The following SLC30A7 variants were observed in gnomAD, a reference collection of about 807,000 sequenced individuals.
SLC30A7 encodes solute carrier family 30 member 7.
In SLC30A7, 35 loss-of-function variants were observed where a neutral mutation model predicts 46.0. The observed-to-expected ratio is 0.76, with a 90% CI of 0.58 to 1.01. The LOEUF is 1.01. Ranked by LOEUF, SLC30A7 falls within the 50% of genes least tolerant of loss-of-function variation. The pLI is 0.00. For synonymous variants in SLC30A7, 147 were observed against 157.8 expected, an observed-to-expected ratio of 0.93 and a Z score of 0.51; for missense variants, 464 against 451.1, an observed-to-expected ratio of 1.03 and a Z score of -0.26.
rs137957481 is a variant in SLC30A7, at chr1:100,917,936, T to C, written c.656-141T>C. 6.1e-6 allele frequency: 3 copies of C among 492,692 alleles called. No individual in the cohort carries two copies. In the East Asian group the frequency reaches 9.8e-5, roughly 16 times the overall value. 30.5% of individuals were successfully genotyped at this position (492,692 alleles called of 1,614,324 possible). ...ACCTCCACTCAATTATTTTATTAAA[T>C]TTAAAAAATAAATTTGTAAGTTTGA... is the stretch of plus-strand genomic sequence containing the variant. On this transcript the variant is annotated intron_variant, in intron 6 of 10. Coordinates refer to ENST00000357650, the MANE Select transcript of SLC30A7 (RefSeq NM_133496.5).
chr1:100,910,792 G>C (rs1419004735), intron 3 of SLC30A7, among the ~76,000 whole-genome samples: 1 of 152,046 alleles, frequency 6.6e-6, no homozygotes, highest in Non-Finnish European at 1.5e-5. Context: ...TTCTGTGAAA[G>C]GTCTTTCTAA....
Position 100,906,842 on chromosome 1 carries a change from T to C in SLC30A7, c.183-10T>C, listed in dbSNP as rs781250100. On this transcript the variant is annotated splice_polypyrimidine_tract_variant and intron_variant, in intron 2 of 10. Coordinates refer to ENST00000357650, the MANE Select transcript of SLC30A7 (RefSeq NM_133496.5). ...TATTATAATTTGTCAATGTGTTTGT[T>C]CTTTTCCAGCTTAGGCTTGATTTCC... 6.3e-7 allele frequency: 1 copy of C among 1,593,248 alleles called. No individual in the cohort carries two copies. Among genetic ancestry groups the C allele is most frequent in the Non-Finnish European group, 8.6e-7 (1 of 1,161,656 alleles).
intron 10 of SLC30A7, among the ~76,000 whole-genome samples, chr1:100,971,542 A>G (rs1219823409): frequency 6.6e-6 from 1 of 152,082 alleles, no homozygotes. Context: ...TTAAGTGTTC[A>G]CTGGTTGATG....
chr1:100,910,527 A>G (rs1652014811), intron 3 of SLC30A7, among the ~76,000 whole-genome samples: 1 of 152,130 alleles, frequency 6.6e-6, no homozygotes, highest in African/African-American at 2.4e-5. Context: ...AGAAATATAA[A>G]TCTCAAGTTG....
intron 3 of SLC30A7, among the ~76,000 whole-genome samples, chr1:100,909,970 G>GA (rs34615755): frequency 0.28 from 42,602 of 150,804 alleles, 6,105 homozygotes; most frequent in Middle Eastern, 0.36. Flanking sequence ...TTTTCTCCAG[G>GA]AAAAAAAAAT....
downstream of SLC30A7, chr1:100,981,898 G>C (rs999187568): frequency 2.6e-5 from 4 of 152,182 alleles, no homozygotes; most frequent in Non-Finnish European, 5.9e-5. Context: ...CTTACTAGGA[G>C]AGAAGAGATG....
intron 5 of SLC30A7, 23 bp from the exon 6 acceptor site, chr1:100,913,640 T>G: frequency 6.4e-7 from 1 of 1,571,552 alleles, no homozygotes. Context: ...ACATACCTTC[T>G]GTCCTAACAC....
intron 8 of SLC30A7, among the ~76,000 whole-genome samples, chr1:100,926,584 G>C (rs912424677): frequency 2.7e-4 from 41 of 152,170 alleles, no homozygotes; most frequent in African/African-American, 9.9e-4. Flanking sequence ...TTCAGCATGA[G>C]TTTTGGGCAG....
At chr1:100,922,007 G>A (rs1323750992) in intron 8 of SLC30A7, among the ~76,000 whole-genome samples, 166 bp downstream of exon 8, 1 of 143,360 alleles carries the variant, frequency 7.0e-6, no homozygotes, top group Non-Finnish European at 1.5e-5. Flanking sequence ...AGGCTGGAGT[G>A]CTGTGGCACT....
intron 2 of SLC30A7, 23 bp downstream of exon 2, chr1:100,896,694 T>G (rs768383036): frequency 3.7e-6 from 6 of 1,602,954 alleles, no homozygotes; most frequent in Non-Finnish European, 5.1e-6. Flanking sequence ...GAAAATGGTT[T>G]GGGCGGAAGC....
At chr1:100,994,663 A>G in the SLC30A7 span, among the ~76,000 whole-genome samples, 325 of 152,142 alleles carry the variant, frequency 2.1e-3, 1 homozygote, top group Admixed American at 3.3e-3. Flanking sequence ...AGTAGCTGAG[A>G]TTAAAGGCAC....
intron 8 of SLC30A7, among the ~76,000 whole-genome samples, chr1:100,947,594 G>A (rs1400762310): frequency 1.3e-5 from 2 of 152,182 alleles, no homozygotes; most frequent in African/African-American, 4.8e-5. Flanking sequence ...TTGAGTTCAA[G>A]TCCTGGACAT....
chr1:100,939,804 G>A (rs990859903), intron 8 of SLC30A7, among the ~76,000 whole-genome samples: 12 of 151,218 alleles, frequency 7.9e-5, no homozygotes, highest in African/African-American at 2.4e-4. Context: ...AGCTGAGATC[G>A]TGCCACTGCA....
intron 10 of SLC30A7, among the ~76,000 whole-genome samples, chr1:100,972,914 TAA>T (rs1273545729): frequency 3.3e-5 from 5 of 152,038 alleles, no homozygotes; most frequent in African/African-American, 7.2e-5. Flanking sequence ...GAGAAAAAAT[TAA>T]GTTTGATTTT....
chr1:100,938,691 C>A (rs1654134511), intron 8 of SLC30A7, among the ~76,000 whole-genome samples: 1 of 152,164 alleles, frequency 6.6e-6, no homozygotes, highest in Non-Finnish European at 1.5e-5. Flanking sequence ...TGGCTGTTGG[C>A]AGAATTTGTT....
chr1:100,946,158 T>G (rs1341776100), intron 8 of SLC30A7, among the ~76,000 whole-genome samples: 1 of 152,192 alleles, frequency 6.6e-6, no homozygotes, highest in Non-Finnish European at 1.5e-5. Flanking sequence ...TTTGCTGAAG[T>G]TGCTTATCAG....
At chr1:100,972,417 A>G (rs1656209876) in intron 10 of SLC30A7, 2 of 175,018 alleles carry the variant, frequency 1.1e-5, no homozygotes, top group Non-Finnish European at 2.6e-5. Context: ...CCTCAGGGGA[A>G]GGATATCAGC....
Position 100,897,212 on chromosome 1 carries a change from C to T in SLC30A7, c.182+541C>T, listed in dbSNP as rs563349386. Among the ~76,000 whole-genome samples the T allele has an allele frequency of 4.6e-5, 7 of 151,898 alleles. No homozygotes were observed. In the South Asian group the frequency reaches 1.5e-3, roughly 32 times the overall value. On this transcript the variant is annotated intron_variant, in intron 2 of 10. Coordinates refer to ENST00000357650, the MANE Select transcript of SLC30A7 (RefSeq NM_133496.5). ...CATGATTTTCCTGTAGTCTTAACTG[C>T]GATGTAAAAATCCCATATAGTTTCT... is the stretch of plus-strand genomic sequence containing the variant.
chr1:100,946,588 T>A (rs994580102), intron 8 of SLC30A7, among the ~76,000 whole-genome samples: 5 of 152,220 alleles, frequency 3.3e-5, no homozygotes, highest in Non-Finnish European at 7.3e-5. Flanking sequence ...GGATTACGTT[T>A]ATTGATTTGC....
Sources: allele counts gnomAD v4.1 joint callset (sites outside exome capture counted in the v4.1 genomes callset), GRCh38; gene constraint gnomAD v4.1.1; transcripts MANE v1.5; gene names NCBI Gene and HGNC (gene_info 2026-07-23, HGNC 2026-07-21).